The following FAT1 variants were observed in gnomAD, a reference collection of about 807,000 sequenced individuals.
FAT1 encodes the protein protocadherin Fat 1.
FAT1 carries 171 observed loss-of-function variants against 329.8 expected under a neutral mutation model. The ratio of observed to expected loss-of-function variants is 0.52; its 90% CI spans 0.46 to 0.59. FAT1 has a LOEUF of 0.59. Among genes scored for constraint, FAT1 ranks in the 20% least tolerant of loss-of-function variants. FAT1 has a pLI of 0.00. For missense variants in FAT1, 5,672 were observed against 5,774.4 expected, an observed-to-expected ratio of 0.98 and a Z score of 0.57; for synonymous variants, 2,233 against 2,228.6, an observed-to-expected ratio of 1.00 and a Z score of -0.06.
At position 186,707,155 on chromosome 4, in the gene FAT1, G is replaced by C. The variant is rs758197034; in HGVS notation, c.2673C>G (p.His891Gln). 2 of 1,613,960 alleles carry C rather than the reference G, an allele frequency of 1.2e-6. No homozygotes were observed. Among genetic ancestry groups the C allele is most frequent in the Non-Finnish European group, 1.7e-6 (2 of 1,179,890 alleles). Residue 891 changes from histidine (H) to glutamine (Q), a missense_variant, in exon 2 of 27, where the codon CAC becomes CAG. By Grantham distance (24) the His-to-Gln change is conservative. Coordinates refer to ENST00000441802, the MANE Select transcript of FAT1 (RefSeq NM_005245.4). ...RPLDRELQHE[H>Q]SLKIEARDQA... ...GGTCCCTGGCCTCAATCTTTAAGGA[G>C]TGCTCATGCTGCAGCTCTCGATCCA...
intron 20 of FAT1, 102 bp downstream of exon 20, chr4:186,602,801 C>G (rs1201213165): frequency 1.6e-6 from 2 of 1,264,500 alleles, no homozygotes; most frequent in African/African-American, 1.5e-5. Context: ...TTACAATAAA[C>G]ATACTTTGCA....
chr4:186,687,773 T>C (rs1743544919), intron 2 of FAT1, among the ~76,000 whole-genome samples: 1 of 152,206 alleles, frequency 6.6e-6, no homozygotes, highest in Non-Finnish European at 1.5e-5. Flanking sequence ...ATTCTAAAAA[T>C]CACATTCTTT....
At chr4:186,641,451 C>T (rs982113190) in intron 3 of FAT1, among the ~76,000 whole-genome samples, 3 of 152,136 alleles carry the variant, frequency 2.0e-5, no homozygotes, top group African/African-American at 7.2e-5. Flanking sequence ...GTAAATAGTT[C>T]AGGAACGACA....
Position 186,604,449 on chromosome 4 carries a change from G to A in FAT1, c.10476C>T (p.Asn3492=), listed in dbSNP as rs2126438794. The A allele has an allele frequency of 1.2e-6, 2 of 1,613,908 alleles. No individual in the cohort carries two copies. Among genetic ancestry groups the A allele is most frequent in the Non-Finnish European group, 1.7e-6 (2 of 1,179,870 alleles). ...TGNDEKAFEV[N]PQGVLLTSSA... is the part of the protein sequence containing the mutation. ...ATGATGTCAGGAGGACTCCTTGCGG[G>A]TTAACTTCAAAAGCCTTCTCATCAT... The change falls in exon 18 of 27, where the codon AAC becomes AAT. Residue 3492 remains asparagine (N), a synonymous_variant. Transcript: ENST00000441802.
rs920846483 is a variant in FAT1 at position 186,621,222 on chromosome 4, C to T, written c.5364G>A (p.Arg1788=). Residue 1788 remains arginine (R), a synonymous_variant, in exon 10 of 27, where the codon AGG becomes AGA. Transcript: ENST00000441802. Reference sequence around the variant, plus strand: ...CTGCTCGAATCACCAGTGGGACATTCCTGTCTGTTAGGACCACGCTGTTAA... The same window carrying T: ...CTGCTCGAATCACCAGTGGGACATTTCTGTCTGTTAGGACCACGCTGTTAA... ...ASINSVVLTD[R]NVPLVIRAAD... The T allele has an allele frequency of 1.2e-6, 2 of 1,614,002 alleles. No homozygotes were observed. The highest frequency in any genetic ancestry group is 1.7e-6 in the Non-Finnish European group (2 of 1,179,882).
chr4:186,609,420 T>A, intron 15 of FAT1, 100 bp from the exon 16 acceptor site: 2 of 1,403,556 alleles, frequency 1.4e-6, no homozygotes, highest in Admixed American at 2.7e-5. Flanking sequence ...TTCTTTTTGT[T>A]GTTGTTTTTT....
At chr4:186,664,318 G>A (rs374263131) in intron 2 of FAT1, among the ~76,000 whole-genome samples, 1 of 152,134 alleles carries the variant, frequency 6.6e-6, no homozygotes, top group East Asian at 1.9e-4. Context: ...AAGACAACCA[G>A]CATGCTATAA....
chr4:186,628,849 T>C lies in FAT1; in HGVS notation c.4324-86A>G, dbSNP rs191928642. On this transcript the variant is annotated intron_variant, in intron 7 of 26. Transcript: ENST00000441802. ...AAGAACCATGAACGAAAGTCATGTA[T>C]ATTGAAACGATACTGTGGCAAAATA... is the stretch of plus-strand genomic sequence containing the variant. 167 of 1,321,308 alleles carry C rather than the reference T, an allele frequency of 1.3e-4. 6 individuals carry two copies. The South Asian group carries it at 1.9e-3, about 15-fold the overall frequency. The allele number at this position is 1,321,308 out of a possible 1,614,324, so 81.8% of individuals were successfully genotyped here.
chr4:186,662,394 C>T (rs1282662981), intron 3 of FAT1, among the ~76,000 whole-genome samples: 3 of 152,078 alleles, frequency 2.0e-5, no homozygotes, highest in African/African-American at 7.2e-5. Context: ...ATAAAAATTT[C>T]GGAGGAGGAT....
Position 186,617,081 on chromosome 4 carries a change from T to C in FAT1, c.8999A>G (p.Asp3000Gly). The change falls in exon 11 of 27, where the codon GAT becomes GGT. Residue 3000 changes from aspartate to glycine, a missense_variant. Around this residue, in one of 2 missense-constraint regions of FAT1, gnomAD observed 3,966 missense variants for 3,915.2 expected, o/e 1.01. Coordinates refer to ENST00000441802, the MANE Select transcript of FAT1 (RefSeq NM_005245.4). Reference sequence around the variant, plus strand: ...TATCGCTTTTGATGAGAAGGTGCCATCAGTTGCCGTGATAGTAAGAAGGTA... The same window carrying C: ...TATCGCTTTTGATGAGAAGGTGCCACCAGTTGCCGTGATAGTAAGAAGGTA... ...DNYLLTITAT[D>G]GTFSSKAIVE... The C allele has an allele frequency of 6.2e-7, 1 of 1,614,020 alleles. No individual in the cohort carries two copies. The highest frequency in any genetic ancestry group is 8.5e-7 in the Non-Finnish European group (1 of 1,179,894).
intron 22 of FAT1, 57 bp from the exon 23 acceptor site, chr4:186,598,182 T>C: frequency 6.9e-7 from 1 of 1,447,034 alleles, no homozygotes; most frequent in Non-Finnish European, 9.3e-7. Flanking sequence ...AGAAACCTGG[T>C]CTTAATTATA....
In FAT1 at chr4:186,707,503, T is replaced by C; in HGVS notation, c.2325A>G (p.Lys775=). The change falls in exon 2 of 27, where the codon AAA becomes AAG. Residue 775 remains lysine (K), a synonymous_variant. Transcript: ENST00000441802. ...TTTCACGGTCAAGAGGAGATAAAATTTTCAGCATTCCTGTTTCCATATCAA... is the reference window on the plus strand; with the variant it reads ...TTTCACGGTCAAGAGGAGATAAAATCTTCAGCATTCCTGTTTCCATATCAA... The part of the protein sequence containing the change: ...FMIDMETGML[K]ILSPLDRETT... 6.2e-7 allele frequency: 1 copy of C among 1,613,980 alleles called. No individual in the cohort carries two copies. The highest frequency in any genetic ancestry group is 1.6e-4 in the Middle Eastern group (1 of 6,062).
intron 15 of FAT1, 104 bp from the exon 16 acceptor site, chr4:186,609,424 G>GT (rs375280523): frequency 0.036 from 39,554 of 1,101,306 alleles, no homozygotes; most frequent in South Asian, 0.046. Flanking sequence ...TTTTGTTGTT[G>GT]TTTTTTTTTT....
intron 3 of FAT1, among the ~76,000 whole-genome samples, chr4:186,648,480 T>C (rs180890862): frequency 1.1e-4 from 16 of 152,276 alleles, no homozygotes; most frequent in Middle Eastern, 3.4e-3. Flanking sequence ...TCTAATGTTT[T>C]TGAGTTGCAG....
intron 3 of FAT1, among the ~76,000 whole-genome samples, chr4:186,656,303 T>C (rs574471643): frequency 1.4e-4 from 22 of 152,300 alleles, no homozygotes; most frequent in African/African-American, 4.3e-4. Context: ...AGTCATCTGC[T>C]ATCCCGAGTC....
intron 2 of FAT1, among the ~76,000 whole-genome samples, chr4:186,669,389 T>A (rs891894873): frequency 2.0e-5 from 3 of 152,152 alleles, no homozygotes; most frequent in African/African-American, 7.2e-5. Flanking sequence ...TGACGCAGAT[T>A]TGGAGCACAG....
At chr4:186,691,576 G>A (rs987205109) in intron 2 of FAT1, among the ~76,000 whole-genome samples, 3 of 152,162 alleles carry the variant, frequency 2.0e-5, no homozygotes, top group Non-Finnish European at 4.4e-5. Flanking sequence ...CAAGGTAGTA[G>A]GATGGATCAC....
chr4:186,633,580 AC>A lies in FAT1; in HGVS notation c.4323+103del. The A allele has an allele frequency of 5.8e-6, 7 of 1,197,634 alleles. No homozygotes were observed. In the South Asian group the frequency reaches 1.0e-4, roughly 17 times the overall value. 74.2% of individuals were successfully genotyped at this position (1,197,634 alleles called of 1,614,324 possible). On this transcript the variant is annotated intron_variant, in intron 7 of 26. Coordinates refer to ENST00000441802, the MANE Select transcript of FAT1 (RefSeq NM_005245.4). ...CATGTGTGTAAACTTCTGATTTTAG[AC>A]CCTCACAGGGCAGAATCCACCGCTC...
Position 186,614,176 on chromosome 4 carries a change from A to C in FAT1, c.9229+15T>G. ...TGGAATATACAATTTATTTTGTCCCAAACTCCATCATTACCTGTGTCTGGA... is the reference window on the plus strand; with the variant it reads ...TGGAATATACAATTTATTTTGTCCCCAACTCCATCATTACCTGTGTCTGGA... On this transcript the variant is annotated intron_variant, in intron 12 of 26. Coordinates refer to ENST00000441802, the MANE Select transcript of FAT1 (RefSeq NM_005245.4). 1 of 1,584,958 alleles carries C rather than the reference A, an allele frequency of 6.3e-7. No homozygotes were observed. Among genetic ancestry groups the C allele is most frequent in the Non-Finnish European group, 8.5e-7 (1 of 1,170,678 alleles).
Sources: allele counts gnomAD v4.1 joint callset (sites outside exome capture counted in the v4.1 genomes callset), GRCh38; gene constraint gnomAD v4.1.1; regional missense constraint gnomAD v4.1.1; transcripts MANE v1.5; gene names NCBI Gene and HGNC (gene_info 2026-07-23, HGNC 2026-07-21).